HELB: variants seen among roughly 807,000 people sequenced by gnomAD.
HELB encodes the protein DNA 5'-3' helicase B.
A neutral mutation model predicts 101.7 loss-of-function variants in HELB; 96 were observed. The ratio of observed to expected loss-of-function variants is 0.94; its 90% CI spans 0.80 to 1.12. The LOEUF (loss-of-function observed/expected upper bound fraction) is 1.12. Among genes scored for constraint, HELB ranks in the 50% most tolerant of loss-of-function variants. The pLI is 0.00. For missense variants in HELB, 1,210 were observed against 1,291.9 expected (o/e 0.94, Z 0.97); for synonymous variants, 437 against 459.7 (o/e 0.95, Z 0.63).
intron 10 of HELB, 90 bp from the exon 11 acceptor site, chr12:66,324,893 T>C (rs934190426): frequency 6.7e-7 from 1 of 1,498,356 alleles, no homozygotes; most frequent in African/African-American, 1.4e-5. Flanking sequence ...TTATATTTTA[T>C]GTTTGACCCA....
rs2053802392 is a variant in HELB at position 66,331,239 on chromosome 12, G to A, written c.2756G>A (p.Gly919Asp). ...CATGTCTACACCGCCGTGACCAGGGGCCGCTGCCGAGTGTATGTGATTGCA... is the reference window on the plus strand; with the variant it reads ...CATGTCTACACCGCCGTGACCAGGGACCGCTGCCGAGTGTATGTGATTGCA... ...WQHVYTAVTR[G>D]RCRVYVIAEE... Residue 919 changes from glycine (G) to aspartate (D), a missense_variant, in exon 12 of 13, where the codon GGC (glycine) becomes GAC (aspartate). Physicochemically the swap from Gly to Asp is moderately conservative, Grantham distance 94 (BLOSUM62 -1). Around this residue, in one of 2 missense-constraint regions of HELB, gnomAD observed 740 missense variants for 728.8 expected, o/e 1.02. Coordinates refer to ENST00000247815, the MANE Select transcript of HELB (RefSeq NM_001370285.1). 6.2e-7 allele frequency: 1 copy of A among 1,614,088 alleles called. No individual in the cohort carries two copies. The highest frequency in any genetic ancestry group is 8.5e-7 in the Non-Finnish European group (1 of 1,180,026).
Position 66,310,174 on chromosome 12 carries a change from G to A in HELB, c.1246G>A (p.Val416Met). 1.2e-6 allele frequency: 2 copies of A among 1,614,206 alleles called. No homozygotes were observed. The highest frequency in any genetic ancestry group is 1.7e-6 in the Non-Finnish European group (2 of 1,180,024). Residue 416 changes from valine (V) to methionine (M), a missense_variant, in exon 4 of 13, where the codon GTG becomes ATG. Val to Met is a conservative substitution (Grantham distance 21). This residue lies in a region of HELB where 470 missense variants were observed against 563.1 expected (regional missense o/e 0.83). Coordinates refer to ENST00000247815, the MANE Select transcript of HELB (RefSeq NM_001370285.1). ...TGATGAAGTAAGATTAGAAAATCCT[G>A]TGGATGTTGTGGACACACAGGACAA... Reference protein sequence around the residue: ...KPDEVRLENPVDVVDTQDNGD... With the variant: ...KPDEVRLENPMDVVDTQDNGD...
downstream of HELB, chr12:66,341,563 C>G (rs1205291841): frequency 1.3e-5 from 2 of 152,128 alleles, no homozygotes; most frequent in African/African-American, 4.8e-5. Flanking sequence ...CATTTAAGTC[C>G]ATTATCAGAA....
At chr12:66,334,317 C>T (rs933068181) in intron 12 of HELB, among the ~76,000 whole-genome samples, 1 of 151,874 alleles carries the variant, frequency 6.6e-6, no homozygotes, top group Non-Finnish European at 1.5e-5. Context: ...AAAAAATTAG[C>T]TGAACTTGGT....
downstream of HELB, chr12:66,340,669 G>T: frequency 5.2e-6 from 1 of 192,950 alleles, no homozygotes. Flanking sequence ...TCCCACAATA[G>T]GTTGTCTGCA....
In HELB at chr12:66,304,900, A is replaced by T. The variant is rs779194917; in HGVS notation, c.357A>T (p.Ser119=). Residue 119 remains serine (S), a synonymous_variant, in exon 2 of 13, where the codon TCA becomes TCT. Coordinates refer to ENST00000247815, the MANE Select transcript of HELB (RefSeq NM_001370285.1). ...FPSYFLQSDM[S]PPNQKHICAL... ...CTTACTTTTTGCAGTCTGATATGTC[A>T]CCACCAAATCAAAAACATATCTGTG... 1 of 1,614,162 alleles carries T rather than the reference A, an allele frequency of 6.2e-7. No individual in the cohort carries two copies. The highest frequency in any genetic ancestry group is 8.5e-7 in the Non-Finnish European group (1 of 1,180,002).
intron 11 of HELB, among the ~76,000 whole-genome samples, chr12:66,328,865 T>A (rs2053773460): frequency 6.6e-6 from 1 of 152,200 alleles, no homozygotes; most frequent in Non-Finnish European, 1.5e-5. Flanking sequence ...ACATTAATTC[T>A]ATCCATTTCT....
chr12:66,334,778 C>CAAAA (rs1270558369), intron 12 of HELB, among the ~76,000 whole-genome samples: 3 of 121,726 alleles, frequency 2.5e-5, no homozygotes, highest in African/African-American at 9.2e-5. Flanking sequence ...GACCCTGTCT[C>CAAAA]AAAAATAAAT....
chr12:66,316,748 G>A (rs113113056), intron 6 of HELB, among the ~76,000 whole-genome samples: 2,857 of 151,948 alleles, frequency 0.019, 100 homozygotes, highest in African/African-American at 0.065. Context: ...GGCCAGGCGC[G>A]GTGGCTCATG....
chr12:66,308,491 G>C (rs2053504060), intron 3 of HELB, among the ~76,000 whole-genome samples: 1 of 152,216 alleles, frequency 6.6e-6, no homozygotes, highest in South Asian at 2.1e-4. Context: ...TCCAAGTATT[G>C]TATTAGTTTG....
At position 66,331,561 on chromosome 12, in the gene HELB, T is replaced by C; in HGVS notation, c.3078T>C (p.Asp1026=). 2 of 1,613,926 alleles carry C rather than the reference T, an allele frequency of 1.2e-6. No homozygotes were observed. The highest frequency in any genetic ancestry group is 1.7e-6 in the Non-Finnish European group (2 of 1,180,032). The part of the protein sequence containing the change: ...RWQLSSPDGV[D]TDDDLPKSRA... ...AATTATCTTCACCTGATGGAGTAGA[T>C]ACAGATGATGATTTACCAAAATCGC... Residue 1026 remains aspartate (D), a synonymous_variant, in exon 12 of 13, where the codon GAT becomes GAC. Coordinates refer to ENST00000247815, the MANE Select transcript of HELB (RefSeq NM_001370285.1).
chr12:66,305,058 A>G lies in HELB; in HGVS notation c.515A>G (p.Glu172Gly), dbSNP rs747180572. 7 of 1,612,238 alleles carry G rather than the reference A, an allele frequency of 4.3e-6. No homozygotes were observed. In the Admixed American group the frequency reaches 1.0e-4, roughly 23 times the overall value. ...LRETLRTFHK[E>G]TGRKDQKQPT... The stretch of plus-strand genomic sequence containing the variant: ...GAAACACTAAGAACTTTCCACAAGG[A>G]AACTGGAAGGAAAGATCAAAAGCAG... The change falls in exon 2 of 13, where the codon GAA (glutamate) becomes GGA (glycine). Residue 172 changes from glutamate to glycine, a missense_variant. Around this residue, in one of 2 missense-constraint regions of HELB, gnomAD observed 470 missense variants for 563.1 expected, o/e 0.83. Transcript: ENST00000247815.
intron 7 of HELB, among the ~76,000 whole-genome samples, chr12:66,319,283 A>T (rs2053644771): frequency 6.6e-6 from 1 of 152,226 alleles, no homozygotes; most frequent in South Asian, 2.1e-4. Context: ...GGGTAAACGC[A>T]TGGCTTCTTA....
chr12:66,339,237 A>G (rs2053898739), downstream of HELB: 1 of 152,082 alleles, frequency 6.6e-6, no homozygotes, highest in Admixed American at 6.6e-5. Flanking sequence ...CATTTTAAGT[A>G]TATAATTCAG....
At chr12:66,314,220 G>C in intron 5 of HELB, 57 bp downstream of exon 5, 1 of 1,469,150 alleles carries the variant, frequency 6.8e-7, no homozygotes, top group Non-Finnish European at 9.2e-7. Flanking sequence ...GTGGTTAGTT[G>C]GTTGTTTACA....
chr12:66,318,616 G>A (rs766908762), intron 6 of HELB, 22 bp from the exon 7 acceptor site: 7 of 1,582,382 alleles, frequency 4.4e-6, no homozygotes, highest in Admixed American at 2.0e-5. Context: ...TTCTTTGTGT[G>A]TGTGTGTTAT....
At chr12:66,302,815 A>G (rs1296361209) in intron 1 of HELB, 25 bp downstream of exon 1, 4 of 1,579,044 alleles carry the variant, frequency 2.5e-6, no homozygotes, top group Admixed American at 1.8e-5. Flanking sequence ...TGCCCGGGGG[A>G]TGGGGTTGGA....
intron 12 of HELB, among the ~76,000 whole-genome samples, chr12:66,333,925 G>A (rs1047434431): frequency 5.9e-5 from 9 of 151,770 alleles, no homozygotes; most frequent in Non-Finnish European, 7.4e-5. Context: ...TTTGGGAGGC[G>A]GAGGTGAGAG....
intron 11 of HELB, among the ~76,000 whole-genome samples, chr12:66,327,520 G>A (rs1047793556): frequency 1.5e-4 from 23 of 151,714 alleles, no homozygotes; most frequent in African/African-American, 5.3e-4. Flanking sequence ...GAAGAGTAAA[G>A]GTGTCTTTAT....
Sources: allele counts gnomAD v4.1 joint callset (sites outside exome capture counted in the v4.1 genomes callset), GRCh38; gene constraint gnomAD v4.1.1; regional missense constraint gnomAD v4.1.1; transcripts MANE v1.5; gene names NCBI Gene and HGNC (gene_info 2026-07-23, HGNC 2026-07-21).